The following PPTC7 variants were observed in gnomAD, a reference collection of about 807,000 sequenced individuals.
The protein encoded by PPTC7 is protein phosphatase PTC7 homolog.
In PPTC7, 6 loss-of-function variants were observed where a neutral mutation model predicts 30.8. The ratio of observed to expected loss-of-function variants is 0.19; its 90% confidence interval spans 0.11 to 0.38. The LOEUF is 0.38. Ranked by LOEUF, PPTC7 falls within the 10% of genes least tolerant of loss-of-function variation. The probability of loss-of-function intolerance (pLI) is 1.00; values close to 1 mark genes in which losing one functional copy is unlikely to be tolerated. For missense variants in PPTC7, 218 were observed against 404.8 expected (o/e 0.54, Z 3.96); for synonymous variants, 163 against 168.1 (o/e 0.97, Z 0.23).
At chr12:110,564,879 GTTT>G (rs540611635) in intron 1 of PPTC7, among the ~76,000 whole-genome samples, 1 of 123,066 alleles carries the variant, frequency 8.1e-6, no homozygotes. Flanking sequence ...TATATACATT[GTTT>G]TTTTTTTTTG....
intron 3 of PPTC7, among the ~76,000 whole-genome samples, chr12:110,542,501 G>A (rs1200230158): frequency 6.6e-6 from 1 of 151,660 alleles, no homozygotes. Context: ...GTGAAACCCT[G>A]TCTCTACTAA....
chr12:110,563,131 A>AG (rs1212370106), intron 1 of PPTC7, among the ~76,000 whole-genome samples: 1 of 148,794 alleles, frequency 6.7e-6, no homozygotes, highest in East Asian at 1.9e-4. Context: ...TCAAAAAAAA[A>AG]AAAAAAAAAA....
At chr12:110,569,072 C>T (rs1010756405) in intron 1 of PPTC7, among the ~76,000 whole-genome samples, 2 of 147,968 alleles carry the variant, frequency 1.4e-5, no homozygotes, top group East Asian at 3.9e-4. Context: ...GTGGCTCACG[C>T]CTGTAATCCC....
intron 1 of PPTC7, among the ~76,000 whole-genome samples, chr12:110,554,666 T>C (rs950230562): frequency 7.2e-5 from 11 of 152,172 alleles, no homozygotes; most frequent in Non-Finnish European, 1.3e-4. Flanking sequence ...CAATAAAATA[T>C]CAAAGCCATC....
chr12:110,578,058 G>C (rs1410660180), intron 1 of PPTC7, among the ~76,000 whole-genome samples: 1 of 152,204 alleles, frequency 6.6e-6, no homozygotes. Context: ...ATGAGAGACT[G>C]AGATAGGTGT....
chr12:110,562,888 G>C (rs544036372), intron 1 of PPTC7, among the ~76,000 whole-genome samples: 43 of 151,174 alleles, frequency 2.8e-4, no homozygotes, highest in African/African-American at 1.0e-3. Context: ...TTGGGAGGTC[G>C]AGGCGGGTGG....
chr12:110,578,752 T>C (rs189118351), intron 1 of PPTC7, among the ~76,000 whole-genome samples: 201 of 152,332 alleles, frequency 1.3e-3, no homozygotes, highest in African/African-American at 4.6e-3. Context: ...CAAAAGCACT[T>C]AAGTTCAACG....
chr12:110,575,954 A>C (rs1219089795), intron 1 of PPTC7, among the ~76,000 whole-genome samples: 2 of 152,130 alleles, frequency 1.3e-5, no homozygotes, highest in Non-Finnish European at 2.9e-5. Context: ...AAATGAGAAA[A>C]ATACCAAGGA....
chr12:110,575,772 A>G (rs1412125305), intron 1 of PPTC7, among the ~76,000 whole-genome samples: 1 of 152,194 alleles, frequency 6.6e-6, no homozygotes, highest in Non-Finnish European at 1.5e-5. Flanking sequence ...GACTGTTAAC[A>G]AATCAAGAGA....
intron 3 of PPTC7, among the ~76,000 whole-genome samples, chr12:110,541,774 G>A (rs1238008309): frequency 6.6e-6 from 1 of 151,222 alleles, no homozygotes; most frequent in South Asian, 2.1e-4. Context: ...AGGACTCTGT[G>A]TCTCCCAAGG....
chr12:110,538,165 C>G lies in PPTC7; in HGVS notation c.835G>C (p.Asp279His). Reference sequence around the variant, plus strand: ...TTACCTCTCACATTCAATCCATTGTCACATGCAAACTGTGCAAAAGGTGAC... The same window carrying G: ...TTACCTCTCACATTCAATCCATTGTGACATGCAAACTGTGCAAAAGGTGAC... ...YMSPFAQFAC[D>H]NGLNVRGGKP... is the part of the protein sequence containing the mutation. Residue 279 changes from aspartate (D) to histidine (H), a missense_variant, in exon 5 of 6, where the codon GAC (aspartate) becomes CAC (histidine). Physicochemically the swap from Asp to His is moderately conservative, Grantham distance 81. Transcript: ENST00000354300. 1.2e-6 allele frequency: 2 copies of G among 1,614,142 alleles called. No individual in the cohort carries two copies. Among genetic ancestry groups the G allele is most frequent in the Non-Finnish European group, 1.7e-6 (2 of 1,180,022 alleles).
intron 1 of PPTC7, among the ~76,000 whole-genome samples, chr12:110,574,565 T>C (rs187532739): frequency 2.4e-4 from 37 of 152,314 alleles, no homozygotes; most frequent in East Asian, 9.6e-4. Flanking sequence ...ACATTTAGCA[T>C]CTCTTTTCTT....
chr12:110,564,307 A>G (rs2064462193), intron 1 of PPTC7, among the ~76,000 whole-genome samples: 2 of 152,246 alleles, frequency 1.3e-5, no homozygotes, highest in African/African-American at 4.8e-5. Flanking sequence ...CCTCTATTAA[A>G]GCTGTGGCTT....
intron 1 of PPTC7, among the ~76,000 whole-genome samples, chr12:110,573,810 C>T (rs1439990996): frequency 2.3e-4 from 35 of 151,898 alleles, no homozygotes; most frequent in Admixed American, 1.8e-3. Context: ...GGAGAAACCC[C>T]GTCTCTACTA....
At chr12:110,567,806 C>A (rs34191496) in intron 1 of PPTC7, among the ~76,000 whole-genome samples, 21,559 of 152,128 alleles carry the variant, frequency 0.14, 2,026 homozygotes, top group East Asian at 0.31. Context: ...GTGAAATATT[C>A]TTTAGAAGGA....
chr12:110,578,640 G>A (rs2064609357), intron 1 of PPTC7, among the ~76,000 whole-genome samples: 1 of 152,142 alleles, frequency 6.6e-6, no homozygotes, highest in African/African-American at 2.4e-5. Context: ...TTCCAGTCAA[G>A]GAGTCCTAGA....
At chr12:110,580,865 C>T (rs1423246084) in intron 1 of PPTC7, among the ~76,000 whole-genome samples, 1 of 152,142 alleles carries the variant, frequency 6.6e-6, no homozygotes, top group Non-Finnish European at 1.5e-5. Flanking sequence ...GATTCTCCTG[C>T]CTCAGCCTGT....
intron 1 of PPTC7, among the ~76,000 whole-genome samples, chr12:110,556,780 A>G (rs1414511307): frequency 6.6e-6 from 1 of 152,080 alleles, no homozygotes; most frequent in Non-Finnish European, 1.5e-5. Context: ...CTCCCCTGCT[A>G]GTGGGGTGCT....
chr12:110,544,421 AGTGATGTTTGTGCCAG>A (rs2064288974), intron 3 of PPTC7, among the ~76,000 whole-genome samples: 1 of 152,246 alleles, frequency 6.6e-6, no homozygotes, highest in Non-Finnish European at 1.5e-5. Context: ...ATGAATTGCC[AGTGATGTTTGTGCCAG>A]GTCCTATAAA....
Sources: gnomAD v4.1 joint callset for allele counts (sites outside exome capture counted in the v4.1 genomes callset) on GRCh38, gnomAD v4.1.1 for gene constraint, MANE v1.5 for transcripts, NCBI Gene and HGNC (gene_info 2026-07-23, HGNC 2026-07-21) for gene names.